The following USP32 variants were observed in gnomAD, a reference collection of about 807,000 sequenced individuals.
USP32 encodes the protein ubiquitin carboxyl-terminal hydrolase 32.
A neutral mutation model predicts 204.8 loss-of-function variants in USP32; 59 were observed. That is an observed-to-expected ratio of 0.29 (90% CI 0.23 to 0.36). The LOEUF (loss-of-function observed/expected upper bound fraction) is 0.36. Among genes scored for constraint, USP32 ranks in the 10% least tolerant of loss-of-function variants. USP32 has a pLI of 1.00. For missense variants in USP32, 1,160 were observed against 1,946.4 expected (o/e 0.60, Z 7.60); for synonymous variants, 517 against 678.4 (o/e 0.76, Z 3.70).
intron 18 of USP32, among the ~76,000 whole-genome samples, chr17:60,213,020 T>C: frequency 6.6e-6 from 1 of 152,238 alleles, no homozygotes; most frequent in South Asian, 2.1e-4. Context: ...CCCAAAGTGC[T>C]GGGATTACAG....
chr17:60,325,972 CAAAAA>C (rs374347100), intron 2 of USP32, among the ~76,000 whole-genome samples: 1 of 58,282 alleles, frequency 1.7e-5, no homozygotes. Flanking sequence ...GACTCTGTCT[CAAAAA>C]AAAAAAAAAA....
At chr17:60,398,190 C>T (rs572031259) in intron 1 of USP32, among the ~76,000 whole-genome samples, 3 of 152,068 alleles carry the variant, frequency 2.0e-5, no homozygotes, top group South Asian at 4.1e-4. Context: ...CATACGGAGA[C>T]TCTGTCTCTA....
rs1039372239 is a variant in USP32, at chr17:60,263,411, G to C, written c.990+2001C>G. Among the ~76,000 whole-genome samples the C allele has an allele frequency of 3.3e-5, 5 of 152,326 alleles. No homozygotes were observed. The South Asian group carries it at 1.0e-3, about 32-fold the overall frequency. ...AAGAGTTGGAAGTCAGAAAAAGAAT[G>C]AGTAATGTTGGTACAATCTAGTCAC... On this transcript the variant is annotated intron_variant, in intron 9 of 33. Coordinates refer to ENST00000300896, the MANE Select transcript of USP32 (RefSeq NM_032582.4).
At chr17:60,265,572 T>C in intron 8 of USP32, 98 bp from the exon 9 acceptor site, 1 of 846,228 alleles carries the variant, frequency 1.2e-6, no homozygotes, top group South Asian at 1.6e-5. Flanking sequence ...TTTGTTTTGC[T>C]TTTCTTGTAG....
chr17:60,332,609 T>C (rs767507152), intron 2 of USP32, among the ~76,000 whole-genome samples: 33 of 151,688 alleles, frequency 2.2e-4, no homozygotes, highest in Non-Finnish European at 1.8e-4. Flanking sequence ...GATCATGCCA[T>C]TGCACTCCAG....
At position 60,271,412 on chromosome 17, in the gene USP32, C is replaced by A; in HGVS notation, c.641G>T (p.Arg214Leu). The A allele has an allele frequency of 6.2e-7, 1 of 1,614,106 alleles. No individual in the cohort carries two copies. Among genetic ancestry groups the A allele is most frequent in the Non-Finnish European group, 8.5e-7 (1 of 1,180,002 alleles). ...TGGGCCAAATGTCTCTAAATCAAAT[C>A]GTCCAGTCCGGGATTGAGCCTTCAA... Reference protein sequence around the residue: ...WLLKAQSRTGRFDLETFGPLV... With the variant: ...WLLKAQSRTGLFDLETFGPLV... The change falls in exon 6 of 34, where the codon CGA becomes CTA. Residue 214 changes from arginine (R) to leucine (L), a missense_variant. By Grantham distance (102) the Arg-to-Leu change is moderately radical. Coordinates refer to ENST00000300896, the MANE Select transcript of USP32 (RefSeq NM_032582.4).
chr17:60,363,517 CA>C (rs774220831), intron 1 of USP32, among the ~76,000 whole-genome samples: 107 of 133,140 alleles, frequency 8.0e-4, no homozygotes, highest in Non-Finnish European at 9.4e-4. Context: ...GACTCTGTCT[CA>C]AAAAAAAAAA....
chr17:60,351,639 G>A (rs1249665501), intron 1 of USP32, among the ~76,000 whole-genome samples: 2 of 152,124 alleles, frequency 1.3e-5, no homozygotes, highest in African/African-American at 2.4e-5. Flanking sequence ...TGCTGGCCAG[G>A]CTGGTCTTGA....
chr17:60,330,976 A>AC (rs1283284080), intron 2 of USP32, among the ~76,000 whole-genome samples: 3 of 151,980 alleles, frequency 2.0e-5, no homozygotes, highest in Non-Finnish European at 4.4e-5. Context: ...TTCCAATTTC[A>AC]CTCAAGCTAG....
intron 1 of USP32, among the ~76,000 whole-genome samples, chr17:60,363,926 C>T (rs1471421886): frequency 6.6e-6 from 1 of 152,036 alleles, no homozygotes; most frequent in Non-Finnish European, 1.5e-5. Context: ...GACAAGGTTA[C>T]AAGTTTTCAG....
intron 10 of USP32, among the ~76,000 whole-genome samples, chr17:60,252,923 A>G (rs1416580487): frequency 6.6e-6 from 1 of 152,218 alleles, no homozygotes; most frequent in African/African-American, 2.4e-5. Context: ...GCTTATTCAT[A>G]TATTAATTGC....
intron 1 of USP32, among the ~76,000 whole-genome samples, chr17:60,377,825 T>G (rs2089576752): frequency 6.6e-6 from 1 of 152,224 alleles, no homozygotes; most frequent in Non-Finnish European, 1.5e-5. Flanking sequence ...ATTCTGGTTT[T>G]CTGCAGCTGT....
At chr17:60,266,934 G>T (rs535674224) in intron 7 of USP32, among the ~76,000 whole-genome samples, 1 of 150,940 alleles carries the variant, frequency 6.6e-6, no homozygotes, top group Non-Finnish European at 1.5e-5. Context: ...GATTACAGGC[G>T]TGAGCCACTG....
At chr17:60,233,099 A>C (rs2085617959) in intron 12 of USP32, among the ~76,000 whole-genome samples, 1 of 152,224 alleles carries the variant, frequency 6.6e-6, no homozygotes, top group Non-Finnish European at 1.5e-5. Flanking sequence ...CAAGAGTCCA[A>C]GCTCACTACA....
At chr17:60,325,470 T>C (rs1162452919) in intron 2 of USP32, among the ~76,000 whole-genome samples, 1 of 151,990 alleles carries the variant, frequency 6.6e-6, no homozygotes, top group South Asian at 2.1e-4. Flanking sequence ...GTACACTATG[T>C]TGCAAGGAAT....
chr17:60,299,054 C>T (rs1447498241), intron 3 of USP32, among the ~76,000 whole-genome samples: 1 of 152,124 alleles, frequency 6.6e-6, no homozygotes, highest in East Asian at 1.9e-4. Flanking sequence ...ATCACTTGAG[C>T]CCAGGAGTTA....
At chr17:60,210,830 C>T (rs1229199161) in intron 21 of USP32, among the ~76,000 whole-genome samples, 183 bp downstream of exon 21, 2 of 152,260 alleles carry the variant, frequency 1.3e-5, no homozygotes, top group Non-Finnish European at 2.9e-5. Flanking sequence ...CTACCCACTA[C>T]ATATACAGTA....
intron 5 of USP32, among the ~76,000 whole-genome samples, chr17:60,277,084 A>G (rs1384681431): frequency 2.0e-5 from 3 of 152,082 alleles, no homozygotes; most frequent in Non-Finnish European, 4.4e-5. Context: ...TACTCTTTCT[A>G]TTTGCAATGC....
intron 16 of USP32, among the ~76,000 whole-genome samples, chr17:60,215,374 G>C (rs2085075204): frequency 6.6e-6 from 1 of 152,000 alleles, no homozygotes; most frequent in Admixed American, 6.6e-5. Context: ...ATACCAAGAA[G>C]AGTAGGAACA....
Sources: allele counts gnomAD v4.1 joint callset (sites outside exome capture counted in the v4.1 genomes callset), GRCh38; gene constraint gnomAD v4.1.1; transcripts MANE v1.5; gene names NCBI Gene and HGNC (gene_info 2026-07-23, HGNC 2026-07-21).